Variants in MCC observed in about 807,000 individuals in gnomAD.
MCC encodes MCC regulator of Wnt signaling pathway.
MCC carries 90 observed loss-of-function variants against 116.2 expected under a neutral mutation model. That is an observed-to-expected ratio of 0.77 (90% CI 0.65 to 0.92). MCC has a LOEUF of 0.92. Ranked by LOEUF, MCC falls within the 40% of genes least tolerant of loss-of-function variation. The pLI is 0.00. For missense variants in MCC, 1,516 were observed against 1,312.2 expected (o/e 1.16, Z -2.40); for synonymous variants, 578 against 510.5 (o/e 1.13, Z -1.78).
At chr5:113,043,726 T>C (rs569078512) in intron 16 of MCC, 96 bp from the exon 17 acceptor site, 7 of 819,832 alleles carry the variant, frequency 8.5e-6, no homozygotes, top group African/African-American at 1.7e-5. Context: ...CGTGCAGTGA[T>C]GGCAGCAGTG....
intron 1 of MCC, among the ~76,000 whole-genome samples, chr5:113,465,536 T>C (rs463216): frequency 0.37 from 55,933 of 152,032 alleles, 12,927 homozygotes; most frequent in East Asian, 0.71. Context: ...TTTGGCTGCA[T>C]AACCATATAA....
intron 3 of MCC, among the ~76,000 whole-genome samples, chr5:113,180,301 A>T (rs1284218543): frequency 6.6e-6 from 1 of 152,114 alleles, no homozygotes; most frequent in Non-Finnish European, 1.5e-5. Context: ...AATCTTATAC[A>T]TTTCAAGACT....
chr5:113,195,927 T>A (rs1422015009), intron 3 of MCC, among the ~76,000 whole-genome samples: 1 of 152,116 alleles, frequency 6.6e-6, no homozygotes, highest in Non-Finnish European at 1.5e-5. Context: ...CTGGCTTCTT[T>A]TGCATCTGTC....
At chr5:113,485,267 G>A (rs1772487750) in intron 1 of MCC, among the ~76,000 whole-genome samples, 1 of 152,140 alleles carries the variant, frequency 6.6e-6, no homozygotes, top group Non-Finnish European at 1.5e-5. Context: ...TTAGAATGAG[G>A]GTTCAGCGGA....
intron 3 of MCC, among the ~76,000 whole-genome samples, chr5:113,169,176 G>A (rs1265526565): frequency 6.6e-6 from 1 of 152,048 alleles, no homozygotes; most frequent in Admixed American, 6.6e-5. Context: ...TAGGTAAGAT[G>A]GGAGGAGAAA....
chr5:113,079,293 T>C (rs1754677683), intron 11 of MCC, among the ~76,000 whole-genome samples: 1 of 152,150 alleles, frequency 6.6e-6, no homozygotes. Context: ...CTTCACAGAA[T>C]TGGAAAAAAA....
intron 3 of MCC, among the ~76,000 whole-genome samples, chr5:113,324,859 G>A (rs556847938): frequency 6.6e-6 from 1 of 150,880 alleles, no homozygotes; most frequent in African/African-American, 2.4e-5. Context: ...TGGAGACAGG[G>A]TCCCCCTCTG....
intron 4 of MCC, among the ~76,000 whole-genome samples, chr5:113,146,414 C>T (rs1234061019): frequency 6.6e-6 from 1 of 151,184 alleles, no homozygotes; most frequent in East Asian, 2.0e-4. Context: ...ATATCCTCTT[C>T]ACCATTTACC....
At chr5:113,112,103 G>C (rs1757133417) in intron 6 of MCC, among the ~76,000 whole-genome samples, 1 of 152,288 alleles carries the variant, frequency 6.6e-6, no homozygotes, top group African/African-American at 2.4e-5. Context: ...CTCTTTACCA[G>C]AATGACTTTG....
chr5:113,249,968 C>T (rs1484218996), intron 3 of MCC, among the ~76,000 whole-genome samples: 2 of 152,078 alleles, frequency 1.3e-5, no homozygotes, highest in African/African-American at 4.8e-5. Flanking sequence ...AAAAAAGTGG[C>T]GGAGGGAAAT....
chr5:113,143,287 A>G lies in MCC; in HGVS notation c.815T>C (p.Ile272Thr). 6.2e-7 allele frequency: 1 copy of G among 1,613,812 alleles called. No individual in the cohort carries two copies. Among genetic ancestry groups the G allele is most frequent in the Non-Finnish European group, 8.5e-7 (1 of 1,179,944 alleles). The change falls in exon 5 of 19, where the codon ATC becomes ACC. Residue 272 changes from isoleucine to threonine, a missense_variant. Coordinates refer to ENST00000408903, the MANE Select transcript of MCC (RefSeq NM_001085377.2). ...CGCAATGACGCTGTGGAGCTCTGTGATGCGTTCCTCATAGCGAAGTGTCGT... is the reference window on the plus strand; with the variant it reads ...CGCAATGACGCTGTGGAGCTCTGTGGTGCGTTCCTCATAGCGAAGTGTCGT... ...ERTTLRYEER[I>T]TELHSVIAEL... is the part of the protein sequence containing the mutation.
chr5:113,127,074 A>C (rs777781939), intron 5 of MCC, among the ~76,000 whole-genome samples: 11 of 151,990 alleles, frequency 7.2e-5, no homozygotes, highest in Non-Finnish European at 1.2e-4. Context: ...CTTTGTGTCC[A>C]TTTGTTATCA....
At chr5:113,375,612 G>C (rs972904318) in intron 2 of MCC, among the ~76,000 whole-genome samples, 1 of 152,146 alleles carries the variant, frequency 6.6e-6, no homozygotes, top group Non-Finnish European at 1.5e-5. Context: ...GCTTGACAGG[G>C]GCTGGAGGGA....
At chr5:113,064,512 T>TA (rs1188326407) in intron 13 of MCC, among the ~76,000 whole-genome samples, 1 of 152,208 alleles carries the variant, frequency 6.6e-6, no homozygotes, top group Non-Finnish European at 1.5e-5. Context: ...CAGCCACAAG[T>TA]CTACCATTTG....
At chr5:113,101,678 C>A (rs371176614) in intron 8 of MCC, 61 bp downstream of exon 8, 1 of 1,571,122 alleles carries the variant, frequency 6.4e-7, no homozygotes, top group African/African-American at 1.3e-5. Flanking sequence ...GTGCTATACA[C>A]CAGCCTCTCT....
chr5:113,035,820 A>G (rs531169651), intron 17 of MCC, among the ~76,000 whole-genome samples: 103 of 152,250 alleles, frequency 6.8e-4, no homozygotes, highest in African/African-American at 2.4e-3. Context: ...TTGGAAAAAA[A>G]ATCTCCACAG....
intron 3 of MCC, among the ~76,000 whole-genome samples, chr5:113,276,383 C>A (rs1765825817): frequency 6.6e-6 from 1 of 152,082 alleles, no homozygotes; most frequent in Non-Finnish European, 1.5e-5. Context: ...ATCAAGGTAC[C>A]CTTGTTTTTT....
chr5:113,384,270 A>G (rs1418065368), intron 2 of MCC, among the ~76,000 whole-genome samples: 1 of 152,196 alleles, frequency 6.6e-6, no homozygotes, highest in Non-Finnish European at 1.5e-5. Context: ...TCTTTATAGA[A>G]AACGATTTTA....
At chr5:113,111,119 C>A (rs1473301852) in intron 6 of MCC, among the ~76,000 whole-genome samples, 1 of 152,198 alleles carries the variant, frequency 6.6e-6, no homozygotes, top group Non-Finnish European at 1.5e-5. Context: ...TAAGGAGAAC[C>A]AGAGCCTTAG....
Sources: allele counts gnomAD v4.1 joint callset (sites outside exome capture counted in the v4.1 genomes callset), GRCh38; gene constraint gnomAD v4.1.1; transcripts MANE v1.5; gene names NCBI Gene and HGNC (gene_info 2026-07-23, HGNC 2026-07-21).